Variants in SCRT2 observed in about 807,000 individuals in gnomAD.
SCRT2 encodes transcriptional repressor scratch 2.
Under a neutral mutation model 3.7 loss-of-function variants are expected in SCRT2, and 2 were observed. That is an observed-to-expected ratio of 0.54 (90% CI 0.22 to 1.70). The LOEUF is 1.70. Ranked by LOEUF, SCRT2 falls within the 40% of genes most tolerant of loss-of-function variation. The pLI, the probability that SCRT2 is intolerant of heterozygous loss-of-function variation, is 0.19. For missense variants in SCRT2, 456 were observed against 468.5 expected, an observed-to-expected ratio of 0.97 and a Z score of 0.25; for synonymous variants, 256 against 220.6, an observed-to-expected ratio of 1.16 and a Z score of -1.42.
rs1054855370 is a variant in SCRT2 at position 665,753 on chromosome 20, A to G, written c.134-1292T>C. 6.6e-6 allele frequency among the ~76,000 whole-genome samples: 1 copy of G among 152,172 alleles called. No homozygotes were observed. Among genetic ancestry groups the G allele is most frequent in the Non-Finnish European group, 1.5e-5 (1 of 68,014 alleles). ...CATTGTTCTGTGATTCCACAGAACA[A>G]TGAAGGTTAGGTCCGTTTGGGAGGT... On this transcript the variant is annotated intron_variant, in intron 1 of 1. Coordinates refer to ENST00000246104, the MANE Select transcript of SCRT2 (RefSeq NM_033129.4). This position sits in a 1 kb window ranked among gnomAD's most constrained non-coding sequence, Gnocchi z 5.0.
In SCRT2 at chr20:664,890, G is replaced by A. The variant is rs1568652171; in HGVS notation, c.134-429C>T. 6.6e-6 allele frequency among the ~76,000 whole-genome samples: 1 copy of A among 152,222 alleles called. No homozygotes were observed. The highest frequency in any genetic ancestry group is 1.5e-5 in the Non-Finnish European group (1 of 68,044). ...GTCTCTATTCCAACAACATGCTGCC[G>A]TTGCAGCCCTGTAACTTCTCTGGAT... On this transcript the variant is annotated intron_variant, in intron 1 of 1. Transcript: ENST00000246104. The surrounding 1 kb of genome is among the most constrained non-coding windows in gnomAD (Gnocchi z 7.9).
chr20:674,723 GTGTGTGTGTATGTGTA>G (rs1398727305), intron 1 of SCRT2, among the ~76,000 whole-genome samples: 2 of 78,020 alleles, frequency 2.6e-5, no homozygotes, highest in African/African-American at 1.2e-4. Flanking sequence ...GTGTGTGTGT[GTGTGTGTGTATGTGTA>G]GTGAGGAGGG....
At chr20:670,403 G>A (rs892262830) in intron 1 of SCRT2, among the ~76,000 whole-genome samples, 1 of 152,174 alleles carries the variant, frequency 6.6e-6, no homozygotes, top group African/African-American at 2.4e-5. Context: ...AGGCTGGCCT[G>A]GCAGTAGACG....
Position 675,022 on chromosome 20 carries a change from GA to G in SCRT2, c.133+446del. Among the ~76,000 whole-genome samples, 1 of 152,078 alleles carries G rather than the reference GA, an allele frequency of 6.6e-6. No individual in the cohort carries two copies. Among genetic ancestry groups the G allele is most frequent in the Non-Finnish European group, 1.5e-5 (1 of 68,010 alleles). On this transcript the variant is annotated intron_variant, in intron 1 of 1. Coordinates refer to ENST00000246104, the MANE Select transcript of SCRT2 (RefSeq NM_033129.4). The surrounding 1 kb of genome is among the most constrained non-coding windows in gnomAD (Gnocchi z 6.9). ...GAGGGCGCCCCCAGCCACCCCCAGG[GA>G]ACCAACCCTGTCTCTCCAGGGACTG...
chr20:673,190 G>A (rs906755381), intron 1 of SCRT2, among the ~76,000 whole-genome samples: 4 of 152,156 alleles, frequency 2.6e-5, no homozygotes, highest in South Asian at 2.1e-4. Context: ...AAAAGTGCCC[G>A]ATCCCAGAAA....
Position 675,429 on chromosome 20 carries a change from C to T in SCRT2, c.133+40G>A. 1 of 1,289,802 alleles carries T rather than the reference C, an allele frequency of 7.8e-7. No individual in the cohort carries two copies. The highest frequency in any genetic ancestry group is 9.9e-7 in the Non-Finnish European group (1 of 1,008,414). 79.9% of individuals were successfully genotyped at this position (1,289,802 alleles called of 1,614,324 possible). Reference sequence around the variant, plus strand: ...TGGGGAGGGCCCCAGCTCCCCTCGCCTCTTCTCCCAACCCCCCGCCCCCGC... The same window carrying T: ...TGGGGAGGGCCCCAGCTCCCCTCGCTTCTTCTCCCAACCCCCCGCCCCCGC... On this transcript the variant is annotated intron_variant, in intron 1 of 1. Transcript: ENST00000246104. This position sits in a 1 kb window ranked among gnomAD's most constrained non-coding sequence, Gnocchi z 6.9.
rs911823927 is a variant in SCRT2, at chr20:666,185, G to A, written c.134-1724C>T. 9.2e-5 allele frequency among the ~76,000 whole-genome samples: 14 copies of A among 152,148 alleles called. No homozygotes were observed. Among genetic ancestry groups the A allele is most frequent in the African/African-American group, 3.4e-4 (14 of 41,438 alleles). ...GGCTCTGTGGTTGGATGTAAAGGGG[G>A]ATAGTGATAGTGGCAATTTTTTAAT... On this transcript the variant is annotated intron_variant, in intron 1 of 1. Coordinates refer to ENST00000246104, the MANE Select transcript of SCRT2 (RefSeq NM_033129.4). The surrounding 1 kb of genome is among the most constrained non-coding windows in gnomAD (Gnocchi z 4.4).
Position 663,871 on chromosome 20 carries a change from A to T in SCRT2, c.724T>A (p.Cys242Ser). 6.2e-7 allele frequency: 1 copy of T among 1,600,090 alleles called. No individual in the cohort carries two copies. The highest frequency in any genetic ancestry group is 8.5e-7 in the Non-Finnish European group (1 of 1,175,642). Residue 242 changes from cysteine (C) to serine (S), a missense_variant, in exon 2 of 2, where the codon TGC becomes AGC. Around this residue, in one of 3 missense-constraint regions of SCRT2, gnomAD observed 144 missense variants for 141.9 expected, o/e 1.01. Transcript: ENST00000246104. The surrounding 1 kb of genome is among the most constrained non-coding windows in gnomAD (Gnocchi z 6.9). The stretch of plus-strand genomic sequence containing the variant: ...GCGAAGGCCTTGCCGCAGTGCGCGC[A>T]GCCGAACGGCTTTTCGCCGGTGTGC... ...RSHTGEKPFGCAHCGKAFADR... is the reference protein window; with the variant it reads ...RSHTGEKPFGSAHCGKAFADR...
rs1209207517 is a variant in SCRT2 at position 665,069 on chromosome 20, C to T, written c.134-608G>A. Reference sequence around the variant, plus strand: ...GTGCTTTACGCATGTTAACTCTAATCGTCACAGACCCAAGGAAGTCGGCAC... The same window carrying T: ...GTGCTTTACGCATGTTAACTCTAATTGTCACAGACCCAAGGAAGTCGGCAC... On this transcript the variant is annotated intron_variant, in intron 1 of 1. Transcript: ENST00000246104. This position sits in a 1 kb window ranked among gnomAD's most constrained non-coding sequence, Gnocchi z 5.0. Among the ~76,000 whole-genome samples, 3 of 152,184 alleles carry T rather than the reference C, an allele frequency of 2.0e-5. No homozygotes were observed. Among genetic ancestry groups the T allele is most frequent in the Non-Finnish European group, 4.4e-5 (3 of 68,038 alleles).
Position 662,846 on chromosome 20 carries a change from G to A in SCRT2, c.*825C>T, listed in dbSNP as rs932364817. 6.5e-6 allele frequency: 1 copy of A among 152,754 alleles called. No homozygotes were observed. Among genetic ancestry groups the A allele is most frequent in the African/African-American group, 2.4e-5 (1 of 41,424 alleles). The allele number at this position is 152,754 out of a possible 1,614,324, so 9.5% of individuals were successfully genotyped here. A position where few individuals can be genotyped will look rare whatever the true frequency, so the allele number is the denominator to read the frequency against. The stretch of plus-strand genomic sequence containing the variant: ...GGGTGAGAGAGGGGTTACATTAGGG[G>A]GCAGGGCCCTGAAGTGCCCCTCAAG... On this transcript the variant is annotated 3_prime_UTR_variant, in exon 2 of 2. Transcript: ENST00000246104.
rs1230165060 is a variant in SCRT2, at chr20:664,009, C to T, written c.586G>A (p.Val196Met). The change falls in exon 2 of 2, where the codon GTG becomes ATG. Residue 196 changes from valine to methionine, a missense_variant. Val to Met is a conservative substitution (Grantham distance 21, BLOSUM62 1). Coordinates refer to ENST00000246104, the MANE Select transcript of SCRT2 (RefSeq NM_033129.4). This position sits in a 1 kb window ranked among gnomAD's most constrained non-coding sequence, Gnocchi z 7.9. ...TGCATGGCGAGCGCGGGCATGGACA[C>T]GTAGGCCTTGCCGCACGTCGGGCAT... ...RKCPTCGKAY[V>M]SMPALAMHLL... 5 of 1,611,892 alleles carry T rather than the reference C, an allele frequency of 3.1e-6. No individual in the cohort carries two copies. Among genetic ancestry groups the T allele is most frequent in the Non-Finnish European group, 4.2e-6 (5 of 1,179,638 alleles).
chr20:675,731 CGGT>C lies in SCRT2; in HGVS notation c.-133_-131del. ...GCGGGAGGCCGCTCGGAGCCGGCAC[CGGT>C]GGCGGCGGCCCCGGCTCGGGCTCGG... On this transcript the variant is annotated 5_prime_UTR_variant, in exon 1 of 2. Coordinates refer to ENST00000246104, the MANE Select transcript of SCRT2 (RefSeq NM_033129.4). This position sits in a 1 kb window ranked among gnomAD's most constrained non-coding sequence, Gnocchi z 6.9. 1 of 482,404 alleles carries C rather than the reference CGGT, an allele frequency of 2.1e-6. No homozygotes were observed. The highest frequency in any genetic ancestry group is 2.9e-6 in the Non-Finnish European group (1 of 339,260). The allele number at this position is 482,404 out of a possible 1,614,324, so 29.9% of individuals were successfully genotyped here. A position where few individuals can be genotyped will look rare whatever the true frequency, so the allele number is the denominator to read the frequency against.
chr20:673,103 A>G (rs570391390), intron 1 of SCRT2, among the ~76,000 whole-genome samples: 1 of 152,332 alleles, frequency 6.6e-6, no homozygotes, highest in Non-Finnish European at 1.5e-5. Flanking sequence ...CTGACCGTCC[A>G]CTGCAGACAC....
In SCRT2 at chr20:663,934, A is replaced by G; in HGVS notation, c.661T>C (p.Phe221Leu). 3 of 1,608,934 alleles carry G rather than the reference A, an allele frequency of 1.9e-6. No homozygotes were observed. Among genetic ancestry groups the G allele is most frequent in the Non-Finnish European group, 2.5e-6 (3 of 1,179,428 alleles). Residue 221 changes from phenylalanine (F) to leucine (L), a missense_variant, in exon 2 of 2, where the codon TTC becomes CTC. Coordinates refer to ENST00000246104, the MANE Select transcript of SCRT2 (RefSeq NM_033129.4). The surrounding 1 kb of genome is among the most constrained non-coding windows in gnomAD (Gnocchi z 6.9). ...RHKCGVCGKA[F>L]SRPWLLQGHM... ...CCCTGCAGCAGCCAGGGCCGCGAGA[A>G]GGCCTTGCCGCAGACGCCGCACTTG...
In SCRT2 at chr20:675,584, C is replaced by T; in HGVS notation, c.18G>A (p.Leu6=). Reference sequence around the variant, plus strand: ...AGCCGTCCCCTTTGATCTTCTTTACCAGGAAGGAGCGCGGCATGGCGCGGC... The same window carrying T: ...AGCCGTCCCCTTTGATCTTCTTTACTAGGAAGGAGCGCGGCATGGCGCGGC... MPRSF[L]VKKIKGDGFQ... Residue 6 remains leucine, a synonymous_variant, in exon 1 of 2, where the codon CTG becomes CTA. Coordinates refer to ENST00000246104, the MANE Select transcript of SCRT2 (RefSeq NM_033129.4). This position sits in a 1 kb window ranked among gnomAD's most constrained non-coding sequence, Gnocchi z 6.9. The T allele has an allele frequency of 7.5e-7, 1 of 1,327,142 alleles. No homozygotes were observed. The highest frequency in any genetic ancestry group is 2.2e-4 in the Middle Eastern group (1 of 4,484). The allele number at this position is 1,327,142 out of a possible 1,614,324, so 82.2% of individuals were successfully genotyped here. A position where few individuals can be genotyped will look rare whatever the true frequency, so the allele number is the denominator to read the frequency against.
chr20:675,702 G>T lies in SCRT2; in HGVS notation c.-101C>A. 2 of 901,214 alleles carry T rather than the reference G, an allele frequency of 2.2e-6. No homozygotes were observed. Among genetic ancestry groups the T allele is most frequent in the Non-Finnish European group, 2.9e-6 (2 of 696,620 alleles). 55.8% of individuals were successfully genotyped at this position (901,214 alleles called of 1,614,324 possible). On this transcript the variant is annotated 5_prime_UTR_variant, in exon 1 of 2. Coordinates refer to ENST00000246104, the MANE Select transcript of SCRT2 (RefSeq NM_033129.4). The surrounding 1 kb of genome is among the most constrained non-coding windows in gnomAD (Gnocchi z 6.9). ...GCACTGGACAGCTCCCAGCGGGCTG[G>T]AGCGCGGGAGGCCGCTCGGAGCCGG... is the stretch of plus-strand genomic sequence containing the variant.
Position 664,423 on chromosome 20 carries a change from C to T in SCRT2, c.172G>A (p.Ala58Thr). 2 of 1,325,340 alleles carry T rather than the reference C, an allele frequency of 1.5e-6. No homozygotes were observed. Among genetic ancestry groups the T allele is most frequent in the Non-Finnish European group, 1.9e-6 (2 of 1,030,136 alleles). The allele number at this position is 1,325,340 out of a possible 1,614,324, so 82.1% of individuals were successfully genotyped here. A position where few individuals can be genotyped will look rare whatever the true frequency, so the allele number is the denominator to read the frequency against. The stretch of plus-strand genomic sequence containing the variant: ...AGCTCCAGGCCCGGCTTCTGGTCCG[C>T]ATCGTAGCTGCTCGGGGGCAGGCGG... ...PHRLPPSSYD[A>T]DQKPGLELAP... is the part of the protein sequence containing the mutation. Residue 58 changes from alanine (A) to threonine (T), a missense_variant, in exon 2 of 2, where the codon GCG becomes ACG. Ala to Thr is a moderately conservative substitution (Grantham distance 58, BLOSUM62 0). Coordinates refer to ENST00000246104, the MANE Select transcript of SCRT2 (RefSeq NM_033129.4). This position sits in a 1 kb window ranked among gnomAD's most constrained non-coding sequence, Gnocchi z 7.9.
At chr20:669,372 C>T (rs1321297834) in intron 1 of SCRT2, among the ~76,000 whole-genome samples, 1 of 152,214 alleles carries the variant, frequency 6.6e-6, no homozygotes, top group Admixed American at 6.5e-5. Flanking sequence ...TGACCCACCT[C>T]AGGTCACAAA....
At chr20:673,504 C>T (rs1392801283) in intron 1 of SCRT2, among the ~76,000 whole-genome samples, 7 of 152,190 alleles carry the variant, frequency 4.6e-5, no homozygotes, top group Non-Finnish European at 1.0e-4. Flanking sequence ...TGGCTATCAG[C>T]ACAGCCTCAG....
Sources: allele counts gnomAD v4.1 joint callset (sites outside exome capture counted in the v4.1 genomes callset), GRCh38; gene constraint gnomAD v4.1.1; regional missense constraint gnomAD v4.1.1; non-coding constraint Gnocchi (gnomAD v3.1); transcripts MANE v1.5; gene names NCBI Gene and HGNC (gene_info 2026-07-23, HGNC 2026-07-21).